The following PRSS38 variants were observed in gnomAD, a reference collection of about 807,000 sequenced individuals.
PRSS38 encodes the protein marapsin 2.
In PRSS38, 22 loss-of-function variants were observed where a neutral mutation model predicts 26.8. The ratio of observed to expected loss-of-function variants is 0.82; its 90% CI spans 0.59 to 1.17. The LOEUF (loss-of-function observed/expected upper bound fraction) is 1.17, where lower values mean the gene tolerates loss of function less well. Among genes scored for constraint, PRSS38 ranks in the 50% most tolerant of loss-of-function variants. The pLI is 0.00. For missense variants in PRSS38, 427 were observed against 422.7 expected (o/e 1.01, Z -0.09); for synonymous variants, 175 against 172.1 (o/e 1.02, Z -0.13).
At chr1:227,815,693 G>T in exon 1 of PRSS38, 1 of 1,555,228 alleles carries the variant, frequency 6.4e-7, no homozygotes, top group Non-Finnish European at 8.7e-7. Flanking sequence ...CTAGTCACCC[G>T]CTGGGGGCGC....
At chr1:227,837,846 TC>T (rs1665260109) in intron 3 of PRSS38, among the ~76,000 whole-genome samples, 1 of 152,210 alleles carries the variant, frequency 6.6e-6, no homozygotes, top group Admixed American at 6.5e-5. Flanking sequence ...CTTTATATAT[TC>T]TGGATACATG....
At chr1:227,815,743 C>T in exon 1 of PRSS38, 1 of 1,602,344 alleles carries the variant, frequency 6.2e-7, no homozygotes, top group Non-Finnish European at 8.5e-7. Context: ...CCGTCATGGG[C>T]CCACTCGGGC....
chr1:227,846,006 T>C, exon 5 of PRSS38: 7 of 1,614,204 alleles, frequency 4.3e-6, no homozygotes, highest in Non-Finnish European at 5.9e-6. Flanking sequence ...TGGTTGCAGA[T>C]TGGAATTGTG....
chr1:227,831,376 A>G (rs1572086185), intron 3 of PRSS38, among the ~76,000 whole-genome samples: 1 of 152,304 alleles, frequency 6.6e-6, no homozygotes, highest in South Asian at 2.1e-4. Flanking sequence ...AGAAAAAAAT[A>G]CTTGCTATAA....
At chr1:227,846,295 G>C (rs1665430338) in exon 5 of PRSS38, 1 of 1,529,990 alleles carries the variant, frequency 6.5e-7, no homozygotes, top group African/African-American at 1.4e-5. Flanking sequence ...CTCCTGTCCT[G>C]GCCTCTCTGA....
intron 3 of PRSS38, among the ~76,000 whole-genome samples, chr1:227,830,725 G>A (rs1231305383): frequency 4.6e-5 from 7 of 151,582 alleles, no homozygotes; most frequent in African/African-American, 9.7e-5. Flanking sequence ...GGCTGGTCTC[G>A]AACTCGTGGC....
At chr1:227,830,468 C>T (rs1014172336) in intron 3 of PRSS38, among the ~76,000 whole-genome samples, 10 of 148,672 alleles carry the variant, frequency 6.7e-5, no homozygotes, top group Non-Finnish European at 1.3e-4. Flanking sequence ...TATTCAGATT[C>T]CCATTTCTTC....
At chr1:227,845,662 G>C in intron 4 of PRSS38, 50 bp downstream of exon 4, 2 of 1,588,750 alleles carry the variant, frequency 1.3e-6, no homozygotes, top group Non-Finnish European at 1.7e-6. Flanking sequence ...CCCTGTGCCT[G>C]TGGACCCCAC....
intron 3 of PRSS38, among the ~76,000 whole-genome samples, chr1:227,834,762 C>G (rs935682224): frequency 6.9e-6 from 1 of 145,340 alleles, no homozygotes; most frequent in Non-Finnish European, 1.5e-5. Context: ...CTCAGCGGGT[C>G]GAGGCTGCAG....
In PRSS38 at chr1:227,816,125, G is replaced by T; in HGVS notation, c.184G>T (p.Gly62Cys). The change falls in exon 2 of 5, where the codon GGC (glycine) becomes TGC (cysteine). Residue 62 changes from glycine to cysteine, a missense_variant. Transcript: ENST00000366757. This position sits in a 1 kb window ranked among gnomAD's most constrained non-coding sequence, Gnocchi z 5.1. ...GCCCAGCATGGAGGGGAAAATCCTG[G>T]GCGGCGTCCCTGCGCCCGAGAGGAA... 1 of 1,613,622 alleles carries T rather than the reference G, an allele frequency of 6.2e-7. No individual in the cohort carries two copies. The highest frequency in any genetic ancestry group is 1.3e-5 in the African/African-American group (1 of 75,032).
intron 3 of PRSS38, among the ~76,000 whole-genome samples, chr1:227,844,001 C>T (rs1572092251): frequency 6.6e-6 from 1 of 152,272 alleles, no homozygotes; most frequent in East Asian, 1.9e-4. Context: ...ACAACAGTAA[C>T]AACAACAACA....
At chr1:227,824,927 T>TC (rs887631899) in intron 3 of PRSS38, among the ~76,000 whole-genome samples, 1 of 152,206 alleles carries the variant, frequency 6.6e-6, no homozygotes, top group African/African-American at 2.4e-5. Context: ...TTGTTTTTTT[T>TC]CTTGTAAATT....
At chr1:227,843,069 A>T (rs982351362) in intron 3 of PRSS38, among the ~76,000 whole-genome samples, 3 of 151,930 alleles carry the variant, frequency 2.0e-5, no homozygotes, top group Non-Finnish European at 4.4e-5. Context: ...TTCTCCTAAC[A>T]CCCTGAGACG....
rs541457102 is a variant in PRSS38, at chr1:227,845,219, C to G, written c.584-251C>G. Among the ~76,000 whole-genome samples, 69 of 148,840 alleles carry G rather than the reference C, an allele frequency of 4.6e-4. 1 individual carries two copies. The South Asian group carries it at 0.014, about 29-fold the overall frequency. On this transcript the variant is annotated intron_variant, in intron 3 of 4. Transcript: ENST00000366757. ...CCTCCCTATGTGTGGTGGGGCTCCT[C>G]CCTATGTGTGGTGGAGCTCCTCCCT...
exon 5 of PRSS38, chr1:227,846,164 C>T: frequency 6.2e-7 from 1 of 1,613,212 alleles, no homozygotes; most frequent in Non-Finnish European, 8.5e-7. Flanking sequence ...GGGGCCCACT[C>T]TCAGCGTCCT....
At chr1:227,837,057 C>T (rs1307947947) in intron 3 of PRSS38, among the ~76,000 whole-genome samples, 16 of 152,174 alleles carry the variant, frequency 1.1e-4, no homozygotes. Context: ...GCGGCACAGT[C>T]ATAGTTCACT....
chr1:227,818,179 A>G (rs1664949773), intron 3 of PRSS38, among the ~76,000 whole-genome samples: 1 of 152,206 alleles, frequency 6.6e-6, no homozygotes, highest in Non-Finnish European at 1.5e-5. Flanking sequence ...TTGATTGGAA[A>G]TGCTTATAAT....
At chr1:227,837,099 T>C (rs1665248295) in intron 3 of PRSS38, among the ~76,000 whole-genome samples, 1 of 152,196 alleles carries the variant, frequency 6.6e-6, no homozygotes, top group Non-Finnish European at 1.5e-5. Context: ...CAAATGATCC[T>C]CCTGCCTCAG....
chr1:227,846,325 TC>T, exon 5 of PRSS38: 2 of 1,320,282 alleles, frequency 1.5e-6, no homozygotes, highest in Non-Finnish European at 2.1e-6. Context: ...GGGCCACCTA[TC>T]CCGGGGGTGG....
Sources: gnomAD v4.1 joint callset for allele counts (sites outside exome capture counted in the v4.1 genomes callset) on GRCh38, gnomAD v4.1.1 for gene constraint, Gnocchi (gnomAD v3.1) non-coding constraint, MANE v1.5 for transcripts, NCBI Gene and HGNC (gene_info 2026-07-23, HGNC 2026-07-21) for gene names.